ABCA7: variants seen among roughly 807,000 people sequenced by gnomAD.
ABCA7 encodes the protein phospholipid-transporting ATPase ABCA7.
Under a neutral mutation model 227.6 loss-of-function variants are expected in ABCA7, and 261 were observed. That is an observed-to-expected ratio of 1.15 (90% CI 1.04 to 1.27). The LOEUF (loss-of-function observed/expected upper bound fraction) is 1.27. ABCA7 is among the 50% of genes most tolerant of loss of function. ABCA7 has a pLI of 0.00. For missense variants in ABCA7, 3,331 were observed against 2,924.5 expected (o/e 1.14, Z -3.21); for synonymous variants, 1,488 against 1,279.7 (o/e 1.16, Z -3.47).
chr19:1,048,891 G>C lies in ABCA7; in HGVS notation c.2270-4G>C. On this transcript the variant is annotated splice_region_variant and splice_polypyrimidine_tract_variant and intron_variant, in intron 16 of 46. Transcript: ENST00000263094. ...TAAGCAATAACCCGCGCCCCTCCCC[G>C]CAGGCCAGTACGGGATCCCTGAACC... 1 of 1,584,126 alleles carries C rather than the reference G, an allele frequency of 6.3e-7. No individual in the cohort carries two copies.
At chr19:1,064,870 G>A in intron 45 of ABCA7, 61 bp from the exon 46 acceptor site, 1 of 1,511,452 alleles carries the variant, frequency 6.6e-7, no homozygotes, top group Admixed American at 2.2e-5. Flanking sequence ...GGGCTGGAGG[G>A]TGAGCTGAGG....
rs758189582 is a variant in ABCA7, at chr19:1,056,433, C to T, written c.4520C>T (p.Ala1507Val). Reference sequence around the variant, plus strand: ...CTGCCCCCAGGCCCGGCCCGCCACGCCCACAGCATCACCACACTCAACCAC... The same window carrying T: ...CTGCCCCCAGGCCCGGCCCGCCACGTCCACAGCATCACCACACTCAACCAC... ...AHLPPGPARH[A>V]HSITTLNHPL... The change falls in exon 33 of 47, where the codon GCC becomes GTC. Residue 1507 changes from alanine (A) to valine (V), a missense_variant. Coordinates refer to ENST00000263094, the MANE Select transcript of ABCA7 (RefSeq NM_019112.4). The surrounding 1 kb of genome is among the most constrained non-coding windows in gnomAD (Gnocchi z 4.3). The T allele has an allele frequency of 1.9e-6, 3 of 1,613,700 alleles. No individual in the cohort carries two copies. The highest frequency in any genetic ancestry group is 2.5e-6 in the Non-Finnish European group (3 of 1,180,016).
Position 1,056,661 on chromosome 19 carries a change from AC to A in ABCA7, c.4586+164del, listed in dbSNP as rs1201955664. Among the ~76,000 whole-genome samples the A allele has an allele frequency of 1.3e-5, 2 of 151,822 alleles. No homozygotes were observed. Among genetic ancestry groups the A allele is most frequent in the African/African-American group, 4.8e-5 (2 of 41,280 alleles). ...CTGCTCCCTAAGCCAGGGAAATGGG[AC>A]CTCCTCAGACTCAGCGGGCCCCAGC... On this transcript the variant is annotated intron_variant, in intron 33 of 46. Transcript: ENST00000263094. This position sits in a 1 kb window ranked among gnomAD's most constrained non-coding sequence, Gnocchi z 4.3.
In ABCA7 at chr19:1,058,154, G is replaced by A; in HGVS notation, c.5034G>A (p.Gln1678=). ...CTCCCACCCTTGAGCAGAAGCTGCA[G>A]GAGGTGAGCCGGATCTTGAAACAGG... The part of the protein sequence containing the change: ...VLELFSDQKL[Q]EVSRILKQVF... Residue 1678 remains glutamine (Q), a synonymous_variant, in exon 37 of 47, where the codon CAG becomes CAA. Transcript: ENST00000263094. The A allele has an allele frequency of 6.2e-7, 1 of 1,613,948 alleles. No individual in the cohort carries two copies.
Position 1,046,455 on chromosome 19 carries a change from G to A in ABCA7, c.1622+49G>A, listed in dbSNP as rs756417376. The A allele has an allele frequency of 8.6e-6, 13 of 1,511,166 alleles. No individual in the cohort carries two copies. In the East Asian group the frequency reaches 1.1e-4, roughly 13 times the overall value. The allele number at this position is 1,511,166 out of a possible 1,614,324, so 93.6% of individuals were successfully genotyped here. On this transcript the variant is annotated intron_variant, in intron 13 of 46. Coordinates refer to ENST00000263094, the MANE Select transcript of ABCA7 (RefSeq NM_019112.4). ...CTCTTCCCCGCGGCGGGAAGGTCCC[G>A]GGTGTGGGGGTGGGCCCAGGCTCTG... is the stretch of plus-strand genomic sequence containing the variant.
rs1326943987 is a variant in ABCA7, at chr19:1,050,595, C to CGGTG, written c.2553-326_2553-325insGGTG. Among the ~76,000 whole-genome samples the CGGTG allele has an allele frequency of 6.6e-4, 99 of 150,158 alleles. 2 individuals carry two copies. Among genetic ancestry groups the CGGTG allele is most frequent in the Non-Finnish European group, 1.5e-4 (10 of 67,790 alleles). On this transcript the variant is annotated intron_variant, in intron 18 of 46. Coordinates refer to ENST00000263094, the MANE Select transcript of ABCA7 (RefSeq NM_019112.4). ...GATCATCCTGGCTAACATGGTGAAA[C>CGGTG]AGTGAAACCCCGTCTCTACTAAAAA...
At chr19:1,064,824 G>A (rs1001868525) in intron 45 of ABCA7, 107 bp from the exon 46 acceptor site, 10 of 1,427,904 alleles carry the variant, frequency 7.0e-6, no homozygotes, top group South Asian at 1.5e-5. Flanking sequence ...GATCGCTAGG[G>A]TAGTACAAGT....
intron 12 of ABCA7, among the ~76,000 whole-genome samples, chr19:1,046,002 G>A (rs947456670): frequency 6.6e-6 from 1 of 152,190 alleles, no homozygotes; most frequent in Admixed American, 6.5e-5. Flanking sequence ...GCGAGACTCC[G>A]TCTCAAACAA....
In ABCA7 at chr19:1,043,346, C is replaced by A. The variant is rs779219188; in HGVS notation, c.803C>A (p.Ser268Ter). The part of the protein sequence containing the change: ...LPDSSLSPAC[S>*]ELIGALDSHP... ...ACCCCCATCCCAGGCCCCGCCTGCTCGGAGCTGATTGGAGCCCTGGACAGC... is the reference window on the plus strand; with the variant it reads ...ACCCCCATCCCAGGCCCCGCCTGCTAGGAGCTGATTGGAGCCCTGGACAGC... The change falls in exon 9 of 47, where the codon TCG (serine) becomes TAG (stop). Residue 268 changes from serine to a stop codon, truncating the protein, a stop_gained. Transcript: ENST00000263094. LOFTEE classifies it high-confidence loss of function. 6.2e-7 allele frequency: 1 copy of A among 1,612,920 alleles called. No homozygotes were observed. The highest frequency in any genetic ancestry group is 1.3e-5 in the African/African-American group (1 of 74,884).
chr19:1,051,922 G>C lies in ABCA7; in HGVS notation c.2963-20G>C. 1 of 1,607,056 alleles carries C rather than the reference G, an allele frequency of 6.2e-7. No individual in the cohort carries two copies. ...ACGCGGCGGCCTGATGGTAGTTGTG[G>C]GTTGGTCCCCCGTGCCTAGGTCGCA... On this transcript the variant is annotated intron_variant, in intron 21 of 46. Transcript: ENST00000263094.
Position 1,056,214 on chromosome 19 carries a change from C to G in ABCA7, c.4387C>G (p.His1463Asp), listed in dbSNP as rs1473438670. The change falls in exon 32 of 47, where the codon CAC becomes GAC. Residue 1463 changes from histidine to aspartate, a missense_variant. Transcript: ENST00000263094. The surrounding 1 kb of genome is among the most constrained non-coding windows in gnomAD (Gnocchi z 4.3). ...RVLKNLTAWAHSLDAQDSLKI... is the reference protein window; with the variant it reads ...RVLKNLTAWADSLDAQDSLKI... ...CCTGAAAAACCTCACAGCCTGGGCTCACAGCCTGGATGCTCAGGACAGTCT... is the reference window on the plus strand; with the variant it reads ...CCTGAAAAACCTCACAGCCTGGGCTGACAGCCTGGATGCTCAGGACAGTCT... The G allele has an allele frequency of 6.2e-7, 1 of 1,601,712 alleles. No individual in the cohort carries two copies. Among genetic ancestry groups the G allele is most frequent in the Non-Finnish European group, 8.5e-7 (1 of 1,175,556 alleles).
chr19:1,051,819 G>A (rs1454915260), intron 21 of ABCA7, 123 bp from the exon 22 acceptor site: 1 of 1,352,186 alleles, frequency 7.4e-7, no homozygotes, highest in Non-Finnish European at 1.0e-6. Flanking sequence ...AGGTTCTGGG[G>A]ATGAGGTTTT....
chr19:1,063,314 A>ATGCCTACTCTG (rs2042805004), intron 42 of ABCA7, among the ~76,000 whole-genome samples: 3 of 24,956 alleles, frequency 1.2e-4, no homozygotes, highest in African/African-American at 2.0e-4. Context: ...CACCCATCCC[A>ATGCCTACTCTG]GCTCCACCCA....
chr19:1,064,508 G>T (rs1009665630), intron 45 of ABCA7, among the ~76,000 whole-genome samples: 1 of 151,898 alleles, frequency 6.6e-6, no homozygotes, highest in Non-Finnish European at 1.5e-5. Context: ...CGTTGGAGTA[G>T]GTGCAGCCTG....
chr19:1,047,740 G>T, intron 16 of ABCA7, 86 bp downstream of exon 16: 1 of 1,386,116 alleles, frequency 7.2e-7, no homozygotes, highest in Non-Finnish European at 9.6e-7. Flanking sequence ...AGGCCGTTTG[G>T]GGGTGGGGGG....
chr19:1,041,181 G>A, intron 1 of ABCA7, 44 bp from the exon 2 acceptor site: 1 of 670,988 alleles, frequency 1.5e-6, no homozygotes, highest in Admixed American at 2.3e-5. Flanking sequence ...TGGGGTAGCG[G>A]AGCCTCTTTA....
At position 1,043,777 on chromosome 19, in the gene ABCA7, G is replaced by A; in HGVS notation, c.983G>A (p.Trp328Ter). 1 of 1,612,754 alleles carries A rather than the reference G, an allele frequency of 6.2e-7. No homozygotes were observed. Among genetic ancestry groups the A allele is most frequent in the South Asian group, 1.1e-5 (1 of 91,032 alleles). Residue 328 changes from tryptophan to a stop codon, truncating the protein, a stop_gained, in exon 10 of 47, where the codon TGG (tryptophan) becomes TAG (stop). Transcript: ENST00000263094. LOFTEE classifies it high-confidence loss of function. ...LTLLRDVREV[W>*]EMLGPRIFTF... ...CTGCTGAGGGATGTCCGGGAGGTGTGGGAGATGCTGGGACCCCGGATCTTC... is the reference window on the plus strand; with the variant it reads ...CTGCTGAGGGATGTCCGGGAGGTGTAGGAGATGCTGGGACCCCGGATCTTC...
At chr19:1,059,151 A>G (rs2042484803) in intron 40 of ABCA7, 66 bp downstream of exon 40, 5 of 1,553,422 alleles carry the variant, frequency 3.2e-6, no homozygotes, top group Non-Finnish European at 1.7e-6. Context: ...TGCCCTGCCC[A>G]TCATCCTTTA....
rs571240875 is a variant in ABCA7, at chr19:1,056,653, G to A, written c.4586+154G>A. Among the ~76,000 whole-genome samples, 12 of 152,206 alleles carry A rather than the reference G, an allele frequency of 7.9e-5. No individual in the cohort carries two copies. Among genetic ancestry groups the A allele is most frequent in the Non-Finnish European group, 1.2e-4 (8 of 68,018 alleles). On this transcript the variant is annotated intron_variant, in intron 33 of 46. Transcript: ENST00000263094. This position sits in a 1 kb window ranked among gnomAD's most constrained non-coding sequence, Gnocchi z 4.3. ...CTGTTCCTCTGCTCCCTAAGCCAGG[G>A]AAATGGGACCTCCTCAGACTCAGCG... is the stretch of plus-strand genomic sequence containing the variant.
Sources: allele counts gnomAD v4.1 joint callset (sites outside exome capture counted in the v4.1 genomes callset), GRCh38; gene constraint gnomAD v4.1.1; non-coding constraint Gnocchi (gnomAD v3.1); transcripts MANE v1.5; gene names NCBI Gene and HGNC (gene_info 2026-07-23, HGNC 2026-07-21).